Variants in PFAS observed in about 807,000 individuals in gnomAD.
PFAS encodes the protein phosphoribosylformylglycinamidine synthase.
In PFAS, 97 loss-of-function variants were observed where a neutral mutation model predicts 140.6. The observed-to-expected ratio is 0.69, with a 90% CI of 0.59 to 0.82. PFAS has a LOEUF of 0.82. Among genes scored for constraint, PFAS ranks in the 40% least tolerant of loss-of-function variants. The pLI, the probability that PFAS is intolerant of heterozygous loss-of-function variation, is 0.00. For missense variants in PFAS, 1,656 were observed against 1,780.2 expected (o/e 0.93, Z 1.26); for synonymous variants, 679 against 718.8 (o/e 0.94, Z 0.88).
Position 8,268,418 on chromosome 17 carries a change from G to A in PFAS, c.3383-115G>A, listed in dbSNP as rs1989916757. The A allele has an allele frequency of 4.4e-6, 3 of 680,750 alleles. No individual in the cohort carries two copies. In the Admixed American group the frequency reaches 8.8e-5, roughly 20 times the overall value. The allele number at this position is 680,750 out of a possible 1,614,324, so 42.2% of individuals were successfully genotyped here. A position where few individuals can be genotyped will look rare whatever the true frequency, so the allele number is the denominator to read the frequency against. On this transcript the variant is annotated intron_variant, in intron 26 of 27. Transcript: ENST00000314666. ...GAAGGAAAGGAAGGAAGGAGGGAGG[G>A]AGGGAAAAGGAAGAAAGAAAAAAGA...
At chr17:8,248,089 G>A, upstream of PFAS, 1 of 596,402 alleles carries the variant, frequency 1.7e-6, no homozygotes, top group Non-Finnish European at 3.0e-6. Flanking sequence ...TGGGGGTGGG[G>A]ATGGGGGTGG....
chr17:8,264,565 G>T lies in PFAS; in HGVS notation c.2013G>T (p.Leu671=). The T allele has an allele frequency of 2.5e-6, 4 of 1,612,412 alleles. 1 individual carries two copies. In the Middle Eastern group the frequency reaches 5.1e-4, roughly 207 times the overall value. Residue 671 remains leucine, a synonymous_variant, in exon 17 of 28, where the codon CTG becomes CTT. Coordinates refer to ENST00000314666, the MANE Select transcript of PFAS (RefSeq NM_012393.3). ...VHQALERVLR[L]PAVASKRYLT... is the part of the protein sequence containing the mutation. ...AGGCTCTGGAGAGGGTTCTGAGGCT[G>T]CCCGCCGTGGCCAGCAAGCGCTACC...
intron 17 of PFAS, 86 bp from the exon 18 acceptor site, chr17:8,264,809 A>G: frequency 9.3e-7 from 1 of 1,070,120 alleles, no homozygotes; most frequent in Non-Finnish European, 1.3e-6. Flanking sequence ...CAGGCCTCCC[A>G]CTGCCCTGAG....
intron 11 of PFAS, 77 bp from the exon 12 acceptor site, chr17:8,262,843 G>A: frequency 9.0e-7 from 1 of 1,105,222 alleles, no homozygotes; most frequent in Non-Finnish European, 1.4e-6. Flanking sequence ...AGCTTCCTCT[G>A]TGTTCACGCT....
Position 8,267,592 on chromosome 17 carries a change from T to A in PFAS, c.3309T>A (p.Ile1103=). The A allele has an allele frequency of 6.2e-7, 1 of 1,613,656 alleles. No individual in the cohort carries two copies. Among genetic ancestry groups the A allele is most frequent in the Non-Finnish European group, 8.5e-7 (1 of 1,179,592 alleles). ...TGCAGGACCTCTGCTCTGGGGCAATTGGGCTGGACACTTTCCGTGGCGTGG... is the reference window on the plus strand; with the variant it reads ...TGCAGGACCTCTGCTCTGGGGCAATAGGGCTGGACACTTTCCGTGGCGTGG... ...VTMQDLCSGA[I]GLDTFRGVAF... is the part of the protein sequence containing the mutation. Residue 1103 remains isoleucine, a synonymous_variant, in exon 26 of 28, where the codon ATT becomes ATA. Transcript: ENST00000314666. This position sits in a 1 kb window ranked among gnomAD's most constrained non-coding sequence, Gnocchi z 4.9.
chr17:8,251,937 T>G (rs1366312571), intron 1 of PFAS, among the ~76,000 whole-genome samples: 1 of 151,926 alleles, frequency 6.6e-6, no homozygotes, highest in Non-Finnish European at 1.5e-5. Flanking sequence ...CCTCCTAAAG[T>G]GCTAGGATTA....
chr17:8,257,712 C>T (rs1989428982), intron 9 of PFAS, 95 bp from the exon 10 acceptor site: 2 of 1,316,270 alleles, frequency 1.5e-6, no homozygotes, highest in African/African-American at 2.9e-5. Flanking sequence ...GCAGGTGGTC[C>T]TTGGTGGCCT....
In PFAS at chr17:8,269,106, T is replaced by C. The variant is rs1345961968; in HGVS notation, c.3859T>C (p.Cys1287Arg). 1.9e-6 allele frequency: 3 copies of C among 1,614,116 alleles called. No individual in the cohort carries two copies. The highest frequency in any genetic ancestry group is 3.3e-4 in the Middle Eastern group (2 of 6,062). ...AGGGGGCGTGGCTGGCATCTGCTCCTGTGATGGCCGCCACCTGGCTGTCAT... is the reference window on the plus strand; with the variant it reads ...AGGGGGCGTGGCTGGCATCTGCTCCCGTGATGGCCGCCACCTGGCTGTCAT... ...SPGGVAGICSCDGRHLAVMPH... is the reference protein window; with the variant it reads ...SPGGVAGICSRDGRHLAVMPH... The change falls in exon 28 of 28, where the codon TGT (cysteine) becomes CGT (arginine). Residue 1287 changes from cysteine (C) to arginine (R), a missense_variant. This residue lies in a region of PFAS where 883 missense variants were observed against 1,023.0 expected (regional missense o/e 0.86). Transcript: ENST00000314666.
chr17:8,266,638 C>G lies in PFAS; in HGVS notation c.2822-115C>G. The G allele has an allele frequency of 6.6e-7, 1 of 1,507,564 alleles. No individual in the cohort carries two copies. The highest frequency in any genetic ancestry group is 2.2e-5 in the Admixed American group (1 of 45,124). 93.4% of individuals were successfully genotyped at this position (1,507,564 alleles called of 1,614,324 possible). Reference sequence around the variant, plus strand: ...CTCATCCTCCCTGATCCCTACCCTACTCTCTGGCTGCATCCCTCTGACCCT... The same window carrying G: ...CTCATCCTCCCTGATCCCTACCCTAGTCTCTGGCTGCATCCCTCTGACCCT... On this transcript the variant is annotated intron_variant, in intron 22 of 27. Coordinates refer to ENST00000314666, the MANE Select transcript of PFAS (RefSeq NM_012393.3). This position sits in a 1 kb window ranked among gnomAD's most constrained non-coding sequence, Gnocchi z 5.0.
rs1328618712 is a variant in PFAS at position 8,254,090 on chromosome 17, G to A, written c.142+11G>A. On this transcript the variant is annotated intron_variant, in intron 2 of 27. Coordinates refer to ENST00000314666, the MANE Select transcript of PFAS (RefSeq NM_012393.3). The stretch of plus-strand genomic sequence containing the variant: ...ACGTGAACTGGACAGGTTGGGCCCA[G>A]GTATTAGATTCTTGGGGGACATGCC... The A allele has an allele frequency of 6.2e-7, 1 of 1,613,684 alleles. No individual in the cohort carries two copies. Among genetic ancestry groups the A allele is most frequent in the Non-Finnish European group, 8.5e-7 (1 of 1,179,706 alleles).
chr17:8,251,957 G>A (rs535488059), intron 1 of PFAS, among the ~76,000 whole-genome samples: 4 of 152,100 alleles, frequency 2.6e-5, no homozygotes, highest in Admixed American at 2.6e-4. Flanking sequence ...ACAGATGTGA[G>A]CCACCATGCC....
chr17:8,265,557 G>C lies in PFAS; in HGVS notation c.2463G>C (p.Gly821=), dbSNP rs761868879. The part of the protein sequence containing the change: ...RVGTETVRAP[G]SLVISAYAVC... The stretch of plus-strand genomic sequence containing the variant: ...TTTGGACTCCTCCTTGCTCTACAGG[G>C]TCACTGGTCATCTCAGCCTATGCCG... The change falls in exon 20 of 28, where the codon GGG becomes GGC. Residue 821 remains glycine (G), a splice_region_variant and synonymous_variant. Transcript: ENST00000314666. 11 of 1,614,046 alleles carry C rather than the reference G, an allele frequency of 6.8e-6. 1 individual carries two copies. The South Asian group carries it at 1.2e-4, about 18-fold the overall frequency.
intron 16 of PFAS, 54 bp from the exon 17 acceptor site, chr17:8,264,416 G>A: frequency 6.2e-7 from 1 of 1,612,144 alleles, no homozygotes; most frequent in Non-Finnish European, 8.5e-7. Flanking sequence ...TTTGTCGCCT[G>A]TGTGCCCAGC....
chr17:8,262,783 G>A (rs1349919440), intron 11 of PFAS, 137 bp from the exon 12 acceptor site: 8 of 695,292 alleles, frequency 1.2e-5, no homozygotes, highest in East Asian at 5.0e-5. Context: ...ACAACAGAGC[G>A]AGACTCCATC....
upstream of PFAS, chr17:8,248,140 C>G (rs897092159): frequency 1.1e-5 from 9 of 842,642 alleles, no homozygotes; most frequent in African/African-American, 1.2e-4. Context: ...GGTTTCCTCG[C>G]CACCTCCAGC....
rs1567636282 is a variant in PFAS at position 8,255,589 on chromosome 17, A to T, written c.472A>T (p.Ile158Phe). The change falls in exon 5 of 28, where the codon ATC becomes TTC. Residue 158 changes from isoleucine to phenylalanine, a missense_variant. This residue lies in a region of PFAS where 773 missense variants were observed against 757.3 expected (regional missense o/e 1.02). Transcript: ENST00000314666. ...RMTEQHFPHP[I>F]QSFSPESMPE... ...GACAGAGCAGCACTTCCCCCATCCC[A>T]TCCAGAGTTTCTCCCCTGAGAGCAT... 2.5e-6 allele frequency: 4 copies of T among 1,570,768 alleles called. No homozygotes were observed. The highest frequency in any genetic ancestry group is 3.4e-6 in the Non-Finnish European group (4 of 1,162,310).
In PFAS at chr17:8,257,760, C is replaced by G. The variant is rs760707440; in HGVS notation, c.1076-47C>G. 17 of 1,608,852 alleles carry G rather than the reference C, an allele frequency of 1.1e-5. 1 individual carries two copies. In the Admixed American group the frequency reaches 1.2e-4, roughly 11 times the overall value. On this transcript the variant is annotated intron_variant, in intron 9 of 27. Transcript: ENST00000314666. ...AAGGATGCAGGCTGCTCCGGCCTGT[C>G]TTCACAGTTCATTCAGTTCATCCAG...
rs1238711176 is a variant in PFAS at position 8,267,165 on chromosome 17, G to A, written c.3105G>A (p.Leu1035=). The change falls in exon 24 of 28, where the codon CTG becomes CTA. Residue 1035 remains leucine (L), a synonymous_variant. Transcript: ENST00000314666. This position sits in a 1 kb window ranked among gnomAD's most constrained non-coding sequence, Gnocchi z 4.9. ...GTGTGGCAGAGGAGGAACGGGGCCT[G>A]AGGGAGCGGATGGGGCCCAGCTATT... ...PRCVAEEERG[L]RERMGPSYCL... is the part of the protein sequence containing the mutation. 6.2e-7 allele frequency: 1 copy of A among 1,609,408 alleles called. No individual in the cohort carries two copies. Among genetic ancestry groups the A allele is most frequent in the African/African-American group, 1.3e-5 (1 of 74,874 alleles).
intron 10 of PFAS, 44 bp from the exon 11 acceptor site, chr17:8,258,027 C>T (rs1989443089): frequency 6.2e-7 from 1 of 1,613,316 alleles, no homozygotes; most frequent in Non-Finnish European, 8.5e-7. Flanking sequence ...TGGGCGAGCA[C>T]TGGGGGAACT....
Sources: gnomAD v4.1 joint callset for allele counts (sites outside exome capture counted in the v4.1 genomes callset) on GRCh38, gnomAD v4.1.1 for gene constraint, gnomAD v4.1.1 regional missense constraint, Gnocchi (gnomAD v3.1) non-coding constraint, MANE v1.5 for transcripts, NCBI Gene and HGNC (gene_info 2026-07-23, HGNC 2026-07-21) for gene names.